Variants in NRXN3 observed in about 807,000 individuals in gnomAD.
The protein encoded by NRXN3 is neurexin III.
In NRXN3, 32 loss-of-function variants were observed where a neutral mutation model predicts 137.6. The ratio of observed to expected loss-of-function variants is 0.23; its 90% CI spans 0.18 to 0.31. NRXN3 has a LOEUF of 0.31. Ranked by LOEUF, NRXN3 falls within the 10% of genes least tolerant of loss-of-function variation. NRXN3 has a pLI of 1.00. For synonymous variants in NRXN3, 798 were observed against 784.5 expected, an observed-to-expected ratio of 1.02 and a Z score of -0.29; for missense variants, 1,574 against 2,062.5, an observed-to-expected ratio of 0.76 and a Z score of 4.59.
In NRXN3 at chr14:79,701,108, T is replaced by A. The variant is rs138253789; in HGVS notation, c.4014+3171T>A. Among the ~76,000 whole-genome samples, 777 of 152,118 alleles carry A rather than the reference T, an allele frequency of 5.1e-3. 8 individuals carry two copies. Among genetic ancestry groups the A allele is most frequent in the African/African-American group, 0.017 (723 of 41,518 alleles). On this transcript the variant is annotated intron_variant, in intron 19 of 20. Transcript: ENST00000335750. The stretch of plus-strand genomic sequence containing the variant: ...GAGGAAAGTGTTTCCTCCACAGTGA[T>A]CAGGGTGCTTTGGCCAAATTTGTTG...
At chr14:78,817,982 A>C (rs899023569) in intron 10 of NRXN3, among the ~76,000 whole-genome samples, 1 of 152,178 alleles carries the variant, frequency 6.6e-6, no homozygotes, top group Non-Finnish European at 1.5e-5. Flanking sequence ...CAAAGGAATA[A>C]ATTTTTAATA....
chr14:79,760,348 C>T (rs148180906), intron 19 of NRXN3, among the ~76,000 whole-genome samples: 4 of 151,104 alleles, frequency 2.6e-5, no homozygotes, highest in East Asian at 1.9e-4. Flanking sequence ...CAGTTATATT[C>T]CCTGAGATTT....
chr14:79,721,179 T>C (rs2098843247), intron 19 of NRXN3, among the ~76,000 whole-genome samples: 1 of 152,208 alleles, frequency 6.6e-6, no homozygotes. Flanking sequence ...TTATTCTTCC[T>C]GCAGCCTCCT....
At chr14:79,809,743 T>C (rs2099224875) in intron 20 of NRXN3, among the ~76,000 whole-genome samples, 2 of 152,228 alleles carry the variant, frequency 1.3e-5, no homozygotes, top group Admixed American at 1.3e-4. Context: ...ATTCGTTCTT[T>C]GCATATAAAC....
chr14:78,734,977 T>A (rs1204397727), intron 8 of NRXN3, among the ~76,000 whole-genome samples: 2 of 152,162 alleles, frequency 1.3e-5, no homozygotes, highest in African/African-American at 4.8e-5. Flanking sequence ...CCAGATTTGC[T>A]TTTTTAAAGG....
chr14:78,334,144 G>A (rs2081177381), intron 4 of NRXN3, among the ~76,000 whole-genome samples: 3 of 152,176 alleles, frequency 2.0e-5, no homozygotes, highest in South Asian at 4.1e-4. Context: ...AAGGGCAAGA[G>A]TCTAGCTTAG....
At chr14:79,002,731 C>T (rs1208114298) in intron 15 of NRXN3, among the ~76,000 whole-genome samples, 1 of 152,048 alleles carries the variant, frequency 6.6e-6, no homozygotes, top group Non-Finnish European at 1.5e-5. Flanking sequence ...TGGGTATATA[C>T]CCAGTAGTGG....
chr14:79,565,869 C>T (rs2097546303), intron 16 of NRXN3, among the ~76,000 whole-genome samples: 1 of 152,006 alleles, frequency 6.6e-6, no homozygotes, highest in African/African-American at 2.4e-5. Context: ...GAATTACTTG[C>T]TAAATACAAA....
intron 16 of NRXN3, among the ~76,000 whole-genome samples, chr14:79,590,062 TC>T (rs1289090827): frequency 4.0e-5 from 6 of 151,808 alleles, no homozygotes. Context: ...TTTCTTTTTT[TC>T]CCCCATTACT....
chr14:79,052,679 C>G (rs2099643657), intron 15 of NRXN3, among the ~76,000 whole-genome samples: 1 of 152,214 alleles, frequency 6.6e-6, no homozygotes, highest in African/African-American at 2.4e-5. Flanking sequence ...AGTCTTGTCT[C>G]ATAGACTCCC....
intron 1 of NRXN3, among the ~76,000 whole-genome samples, chr14:78,207,276 C>T (rs12883282): frequency 1.9e-3 from 293 of 152,274 alleles, no homozygotes; most frequent in Non-Finnish European, 3.5e-3. Context: ...TTCTTTTATA[C>T]GACCCTTAAA....
chr14:78,365,274 G>A (rs938301716), intron 4 of NRXN3, among the ~76,000 whole-genome samples: 1 of 151,884 alleles, frequency 6.6e-6, no homozygotes. Context: ...CATTAGTTGG[G>A]GAAGACCAAT....
At chr14:78,380,328 A>AAAAAAAG (rs71131646) in intron 4 of NRXN3, among the ~76,000 whole-genome samples, 1 of 151,208 alleles carries the variant, frequency 6.6e-6, no homozygotes. Flanking sequence ...AAAAAAAAAA[A>AAAAAAAG]GATGTGTTTA....
At chr14:79,732,745 T>C (rs924413313) in intron 19 of NRXN3, among the ~76,000 whole-genome samples, 7 of 152,178 alleles carry the variant, frequency 4.6e-5, no homozygotes, top group Admixed American at 2.0e-4. Flanking sequence ...ACAAATATGG[T>C]TCTCTTGCCT....
chr14:78,758,790 A>T (rs1399619115), intron 8 of NRXN3, among the ~76,000 whole-genome samples: 1 of 152,234 alleles, frequency 6.6e-6, no homozygotes, highest in Non-Finnish European at 1.5e-5. Context: ...TTATTTCAAC[A>T]TACTTAGCAT....
chr14:79,462,530 TA>T (rs953783811), intron 15 of NRXN3, among the ~76,000 whole-genome samples: 40 of 150,198 alleles, frequency 2.7e-4, no homozygotes, highest in East Asian at 7.8e-4. Flanking sequence ...TATATATATA[TA>T]AAAAAATACA....
At position 79,089,322 on chromosome 14, in the gene NRXN3, T is replaced by C. The variant is rs116111130; in HGVS notation, c.3262+101181T>C. Among the ~76,000 whole-genome samples, 699 of 151,712 alleles carry C rather than the reference T, an allele frequency of 4.6e-3. 5 individuals carry two copies. The highest frequency in any genetic ancestry group is 0.016 in the African/African-American group (653 of 41,468). ...TGCTTTGAGCTCCCGAGAATGCTAG[T>C]TGATAGCAAACAAGGAAGGTGCTTT... On this transcript the variant is annotated intron_variant, in intron 15 of 20. Transcript: ENST00000335750.
intron 15 of NRXN3, among the ~76,000 whole-genome samples, chr14:79,012,553 G>T (rs2099572979): frequency 6.6e-6 from 1 of 152,138 alleles, no homozygotes; most frequent in South Asian, 2.1e-4. Flanking sequence ...AATTGAGCAT[G>T]ATCTATTTTC....
At chr14:78,579,856 T>A (rs917294065) in intron 4 of NRXN3, among the ~76,000 whole-genome samples, 1 of 152,186 alleles carries the variant, frequency 6.6e-6, no homozygotes, top group African/African-American at 2.4e-5. Flanking sequence ...AACAGGGCAT[T>A]GCCTGTTTGT....
Sources: gnomAD v4.1 joint callset for allele counts (sites outside exome capture counted in the v4.1 genomes callset) on GRCh38, gnomAD v4.1.1 for gene constraint, MANE v1.5 for transcripts, NCBI Gene and HGNC (gene_info 2026-07-23, HGNC 2026-07-21) for gene names.